The following LRRFIP2 variants were observed in gnomAD, a reference collection of about 807,000 sequenced individuals.
LRRFIP2 encodes LRR binding FLII interacting protein 2, also known as leucine-rich repeat flightless-interacting protein 2.
In LRRFIP2, 109 loss-of-function variants were observed where a neutral mutation model predicts 125.9. That is an observed-to-expected ratio of 0.87 (90% CI 0.74 to 1.01). The LOEUF is 1.01. Among genes scored for constraint, LRRFIP2 ranks in the 50% least tolerant of loss-of-function variants. LRRFIP2 has a pLI of 0.00. For missense variants in LRRFIP2, 850 were observed against 862.3 expected, an observed-to-expected ratio of 0.99 and a Z score of 0.18; for synonymous variants, 291 against 293.1, an observed-to-expected ratio of 0.99 and a Z score of 0.07.
chr3:37,164,713 T>C (rs1033633931), intron 1 of LRRFIP2, among the ~76,000 whole-genome samples: 1 of 143,652 alleles, frequency 7.0e-6, no homozygotes, highest in Non-Finnish European at 1.5e-5. Context: ...AGAAAAAGAC[T>C]CCGTCTCAAA....
rs1560075934 is a variant in LRRFIP2, at chr3:37,148,993, T to C, written c.-10A>G. On this transcript the variant is annotated 5_prime_UTR_variant, in exon 2 of 28. Transcript: ENST00000336686. ...AAGCAGGAGTCCCCATCTTGTGTTCTTAATAGTCTTTTAACTTTGAAAGTG... is the reference window on the plus strand; with the variant it reads ...AAGCAGGAGTCCCCATCTTGTGTTCCTAATAGTCTTTTAACTTTGAAAGTG... 1.9e-6 allele frequency: 3 copies of C among 1,613,546 alleles called. No individual in the cohort carries two copies. The highest frequency in any genetic ancestry group is 2.5e-6 in the Non-Finnish European group (3 of 1,179,866).
intron 16 of LRRFIP2, among the ~76,000 whole-genome samples, chr3:37,095,487 T>C (rs2093670843): frequency 6.6e-6 from 1 of 152,214 alleles, no homozygotes; most frequent in Non-Finnish European, 1.5e-5. Context: ...TGCTGTCCAA[T>C]ATACTTGCGA....
intron 2 of LRRFIP2, among the ~76,000 whole-genome samples, chr3:37,139,749 A>AC (rs1482559589): frequency 6.6e-6 from 1 of 151,988 alleles, no homozygotes; most frequent in Non-Finnish European, 1.5e-5. Flanking sequence ...CTCTACTTCT[A>AC]TTGGTTCACT....
intron 1 of LRRFIP2, chr3:37,172,724 CT>C (rs1227264600): frequency 2.0e-5 from 3 of 152,154 alleles, no homozygotes; most frequent in African/African-American, 7.2e-5. Context: ...GGAATTATCT[CT>C]TGACCTCCCC....
At chr3:37,078,481 A>G (rs2092325488) in intron 19 of LRRFIP2, among the ~76,000 whole-genome samples, 1 of 152,228 alleles carries the variant, frequency 6.6e-6, no homozygotes, top group South Asian at 2.1e-4. Flanking sequence ...AGAAACTTTG[A>G]GAACTAGGAA....
upstream of LRRFIP2, among the ~76,000 whole-genome samples, chr3:37,175,644 A>T (rs896558252): frequency 3.9e-5 from 6 of 152,112 alleles, no homozygotes; most frequent in Non-Finnish European, 8.8e-5. Flanking sequence ...GGAAGAAGTA[A>T]AATTCCCAAA....
chr3:37,105,578 C>T (rs17035950), intron 13 of LRRFIP2, 55 bp from the exon 14 acceptor site: 30,280 of 1,318,138 alleles, frequency 0.023, 650 homozygotes, highest in African/African-American at 0.1. Context: ...ATGGTGTTAC[C>T]TCATTATAAG....
intron 2 of LRRFIP2, among the ~76,000 whole-genome samples, chr3:37,134,181 CAAA>C (rs35540438): frequency 1.9e-4 from 21 of 110,654 alleles, no homozygotes; most frequent in Admixed American, 3.6e-4. Context: ...GACTCTGTCT[CAAA>C]AAAAAAAAAA....
intron 1 of LRRFIP2, among the ~76,000 whole-genome samples, chr3:37,165,494 C>T (rs1294353550): frequency 6.6e-6 from 1 of 151,736 alleles, no homozygotes; most frequent in Non-Finnish European, 1.5e-5. Context: ...TGGTGGCTAA[C>T]GCCTATAATC....
intron 19 of LRRFIP2, among the ~76,000 whole-genome samples, chr3:37,082,064 A>G (rs1015986483): frequency 6.6e-6 from 1 of 152,142 alleles, no homozygotes; most frequent in African/African-American, 2.4e-5. Flanking sequence ...CGATGGAAAG[A>G]TAATTCATTT....
chr3:37,161,448 A>G (rs1161953107), intron 1 of LRRFIP2, among the ~76,000 whole-genome samples: 3 of 152,250 alleles, frequency 2.0e-5, no homozygotes, highest in Admixed American at 6.5e-5. Context: ...TAAAAGCCAG[A>G]CACAAAGATT....
chr3:37,066,155 A>C, intron 22 of LRRFIP2, 69 bp downstream of exon 22: 1 of 1,426,976 alleles, frequency 7.0e-7, no homozygotes, highest in Non-Finnish European at 9.9e-7. Context: ...GAAAGATGGC[A>C]GGATGAAAGG....
chr3:37,059,658 G>A (rs7372657), intron 24 of LRRFIP2, among the ~76,000 whole-genome samples: 53,310 of 151,764 alleles, frequency 0.35, 10,536 homozygotes, highest in Non-Finnish European at 0.45. Context: ...ATGGTGGCAC[G>A]CGCATGTAGT....
chr3:37,054,712 TAG>T (rs1426203431), intron 26 of LRRFIP2, among the ~76,000 whole-genome samples, 197 bp from the exon 27 acceptor site: 1 of 152,226 alleles, frequency 6.6e-6, no homozygotes, highest in Non-Finnish European at 1.5e-5. Context: ...ATTACAGCTG[TAG>T]AGTCATTTTA....
intron 4 of LRRFIP2, among the ~76,000 whole-genome samples, chr3:37,124,745 AAAAG>A (rs1215811993): frequency 6.6e-6 from 1 of 152,234 alleles, no homozygotes; most frequent in Non-Finnish European, 1.5e-5. Flanking sequence ...ACATAAGAAA[AAAAG>A]AAAGAAAGAA....
Position 37,087,383 on chromosome 3 carries a change from A to G in LRRFIP2, c.1108-3577T>C, listed in dbSNP as rs558123860. Reference sequence around the variant, plus strand: ...ACAACTCAGTGCCATATAAAACCACATGAACACCAGAATTTAAGATAGCTC... The same window carrying G: ...ACAACTCAGTGCCATATAAAACCACGTGAACACCAGAATTTAAGATAGCTC... On this transcript the variant is annotated intron_variant, in intron 18 of 27. Transcript: ENST00000336686. Among the ~76,000 whole-genome samples the G allele has an allele frequency of 2.6e-5, 4 of 152,346 alleles. No individual in the cohort carries two copies. In the South Asian group the frequency reaches 8.3e-4, roughly 32 times the overall value.
intron 2 of LRRFIP2, among the ~76,000 whole-genome samples, chr3:37,132,428 C>G (rs957870988): frequency 6.6e-6 from 1 of 152,096 alleles, no homozygotes; most frequent in African/African-American, 2.4e-5. Context: ...TAATTAAAAT[C>G]TATTCTTTAA....
intron 16 of LRRFIP2, among the ~76,000 whole-genome samples, chr3:37,095,119 A>C (rs1048119587): frequency 6.6e-6 from 1 of 152,228 alleles, no homozygotes; most frequent in African/African-American, 2.4e-5. Context: ...TTCATGACAC[A>C]AATACCTTAT....
chr3:37,131,309 A>C (rs1341482919), intron 2 of LRRFIP2, among the ~76,000 whole-genome samples: 1 of 152,174 alleles, frequency 6.6e-6, no homozygotes, highest in Non-Finnish European at 1.5e-5. Context: ...ACCTTCTATG[A>C]AGATTCTCCC....
Sources: gnomAD v4.1 joint callset for allele counts (sites outside exome capture counted in the v4.1 genomes callset) on GRCh38, gnomAD v4.1.1 for gene constraint, MANE v1.5 for transcripts, NCBI Gene and HGNC (gene_info 2026-07-23, HGNC 2026-07-21) for gene names.